Variants in BRD4 observed in about 807,000 individuals in gnomAD.
The protein encoded by BRD4 is bromodomain containing 4.
In BRD4, 16 loss-of-function variants were observed where a neutral mutation model predicts 142.1. The ratio of observed to expected loss-of-function variants is 0.11; its 90% CI spans 0.08 to 0.17. The LOEUF (loss-of-function observed/expected upper bound fraction) is 0.17, where lower values mean the gene tolerates loss of function less well. BRD4 is among the 10% of genes least tolerant of loss of function. BRD4 has a pLI of 1.00. For missense variants in BRD4, 1,424 were observed against 1,810.9 expected (o/e 0.79, Z 3.88); for synonymous variants, 833 against 707.5 (o/e 1.18, Z -2.82).
In BRD4 at chr19:15,245,690, C is replaced by G. The variant is rs780987020; in HGVS notation, c.2159-928G>C. Among the ~76,000 whole-genome samples, 48 of 152,314 alleles carry G rather than the reference C, an allele frequency of 3.2e-4. No individual in the cohort carries two copies. The highest frequency in any genetic ancestry group is 1.5e-3 in the South Asian group (7 of 4,826). On this transcript the variant is annotated intron_variant, in intron 11 of 19. Coordinates refer to ENST00000679869, the MANE Select transcript of BRD4 (RefSeq NM_001379291.1). ...AAACATGGATGGTGTACAAGCCCCACAGGGGGACATGAGCCCTGGCCAGTG... is the reference window on the plus strand; with the variant it reads ...AAACATGGATGGTGTACAAGCCCCAGAGGGGGACATGAGCCCTGGCCAGTG...
At chr19:15,330,143 T>C (rs1166610168) in intron 1 of BRD4, among the ~76,000 whole-genome samples, 1 of 152,228 alleles carries the variant, frequency 6.6e-6, no homozygotes, top group Non-Finnish European at 1.5e-5. Flanking sequence ...CTGGGCTGAC[T>C]GCTAGCAAGA....
chr19:15,264,312 G>A (rs1030210397), intron 6 of BRD4, 92 bp downstream of exon 6: 30 of 1,479,444 alleles, frequency 2.0e-5, no homozygotes, highest in Admixed American at 1.1e-4. Context: ...CCAGGGCCTG[G>A]GCTTCCTCTT....
intron 6 of BRD4, among the ~76,000 whole-genome samples, chr19:15,263,762 G>A (rs1166806196): frequency 1.3e-5 from 2 of 152,164 alleles, no homozygotes; most frequent in Non-Finnish European, 2.9e-5. Flanking sequence ...TGCCTGGCTC[G>A]CAGGCAGGTG....
At position 15,235,746 on chromosome 19, in the gene BRD4, C is replaced by G. The variant is rs983465973; in HGVS notation, c.*2631G>C. ...TTACTCTGGTATAGGACTAAGATTT[C>G]TAGTACTGTGGGAAGGGTTGGGAAA... is the stretch of plus-strand genomic sequence containing the variant. On this transcript the variant is annotated 3_prime_UTR_variant, in exon 20 of 20. Transcript: ENST00000679869. 1 of 152,090 alleles carries G rather than the reference C, an allele frequency of 6.6e-6. No individual in the cohort carries two copies. Among genetic ancestry groups the G allele is most frequent in the African/African-American group, 2.4e-5 (1 of 41,400 alleles). The allele number at this position is 152,090 out of a possible 1,614,324, so 9.4% of individuals were successfully genotyped here.
At chr19:15,320,306 C>T (rs1285418634) in intron 1 of BRD4, among the ~76,000 whole-genome samples, 4 of 152,044 alleles carry the variant, frequency 2.6e-5, no homozygotes, top group Non-Finnish European at 5.9e-5. Context: ...GGAGGCTTTT[C>T]GTAATGCTTG....
chr19:15,291,503 T>C (rs1184857122), intron 1 of BRD4, among the ~76,000 whole-genome samples: 2 of 152,206 alleles, frequency 1.3e-5, no homozygotes, highest in Non-Finnish European at 2.9e-5. Context: ...TTCCTACTCC[T>C]TATGACTTTC....
chr19:15,244,937 G>A (rs1182955015), intron 11 of BRD4, 175 bp from the exon 12 acceptor site: 7 of 1,177,892 alleles, frequency 5.9e-6, no homozygotes, highest in East Asian at 2.6e-5. Context: ...GGAGAGACAT[G>A]CGAGGCATCA....
chr19:15,297,728 C>G (rs899727732), intron 1 of BRD4, among the ~76,000 whole-genome samples: 1 of 152,210 alleles, frequency 6.6e-6, no homozygotes, highest in African/African-American at 2.4e-5. Flanking sequence ...GCTGTGGACT[C>G]TAACCAGGCG....
intron 1 of BRD4, among the ~76,000 whole-genome samples, chr19:15,288,071 A>C (rs2047753583): frequency 6.6e-6 from 1 of 152,026 alleles, no homozygotes; most frequent in South Asian, 2.1e-4. Flanking sequence ...CCTGGCCTGA[A>C]TTTCATTCCT....
chr19:15,267,479 T>G lies in BRD4; in HGVS notation c.496A>C (p.Thr166Pro). ...ACTATCATGATCTCGGTTTCTTCTGTGGGTAGCTCATTTATTTTTTGCAAG... is the reference window on the plus strand; with the variant it reads ...ACTATCATGATCTCGGTTTCTTCTGGGGGTAGCTCATTTATTTTTTGCAAG... ...LFLQKINELP[T>P]EETEIMIVQA... Residue 166 changes from threonine to proline, a missense_variant, in exon 4 of 20, where the codon ACA (threonine) becomes CCA (proline). Physicochemically the swap from Thr to Pro is conservative, Grantham distance 38 (BLOSUM62 -1). Around this residue, in one of 16 missense-constraint regions of BRD4, gnomAD observed 55 missense variants for 160.7 expected, o/e 0.34. Transcript: ENST00000679869. 6.2e-7 allele frequency: 1 copy of G among 1,614,218 alleles called. No homozygotes were observed. Among genetic ancestry groups the G allele is most frequent in the South Asian group, 1.1e-5 (1 of 91,084 alleles).
intron 1 of BRD4, among the ~76,000 whole-genome samples, chr19:15,320,898 A>G (rs2048055623): frequency 6.6e-6 from 1 of 152,238 alleles, no homozygotes. Context: ...TCAGCCATCC[A>G]TAATTTCTTG....
Position 15,240,017 on chromosome 19 carries a change from G to C in BRD4, c.3175C>G (p.Leu1059Val). 6.2e-7 allele frequency: 1 copy of C among 1,610,354 alleles called. No homozygotes were observed. The highest frequency in any genetic ancestry group is 8.5e-7 in the Non-Finnish European group (1 of 1,178,270). The change falls in exon 15 of 20, where the codon CTC becomes GTC. Residue 1059 changes from leucine to valine, a missense_variant. Physicochemically the swap from Leu to Val is conservative, Grantham distance 32. This residue lies in a region of BRD4 where 598 missense variants were observed against 647.8 expected (regional missense o/e 0.92). Coordinates refer to ENST00000679869, the MANE Select transcript of BRD4 (RefSeq NM_001379291.1). The part of the protein sequence containing the change: ...HKSDPYSTGH[L>V]REAPSPLMIH... ...ATAAGCGGGGAGGGGGCTTCGCGGA[G>C]GTGACCTAGGAGAAGGGACAAGGAA...
chr19:15,259,607 T>C (rs1489261771), intron 7 of BRD4, among the ~76,000 whole-genome samples: 1 of 152,238 alleles, frequency 6.6e-6, no homozygotes, highest in Non-Finnish European at 1.5e-5. Flanking sequence ...CATCCTTCCC[T>C]GTCTCTTGGA....
At chr19:15,293,575 GAT>G (rs1164386963) in intron 1 of BRD4, among the ~76,000 whole-genome samples, 2 of 152,192 alleles carry the variant, frequency 1.3e-5, no homozygotes, top group East Asian at 3.8e-4. Context: ...GTCTCTAGTG[GAT>G]ATGACTGATA....
intron 1 of BRD4, among the ~76,000 whole-genome samples, chr19:15,279,462 A>G (rs1410888727): frequency 6.6e-6 from 1 of 152,212 alleles, no homozygotes; most frequent in Non-Finnish European, 1.5e-5. Context: ...CCATCAAGTC[A>G]TAGTTCTCTC....
chr19:15,301,304 T>C (rs2047865461), intron 1 of BRD4, among the ~76,000 whole-genome samples: 1 of 152,222 alleles, frequency 6.6e-6, no homozygotes, highest in Non-Finnish European at 1.5e-5. Context: ...GGCTCACGCC[T>C]GTAATCCCAG....
intron 11 of BRD4, among the ~76,000 whole-genome samples, chr19:15,252,207 G>C (rs148006293): frequency 6.6e-6 from 1 of 152,186 alleles, no homozygotes; most frequent in Non-Finnish European, 1.5e-5. Flanking sequence ...AAGGGCAAAG[G>C]CCATGATCAC....
chr19:15,253,609 G>T (rs2047372180), intron 11 of BRD4: 1 of 1,594,110 alleles, frequency 6.3e-7, no homozygotes, highest in African/African-American at 1.3e-5. Context: ...GTAGGCAATG[G>T]CTGGGGCCCA....
chr19:15,288,014 C>T (rs1334649845), intron 1 of BRD4, among the ~76,000 whole-genome samples: 1 of 151,896 alleles, frequency 6.6e-6, no homozygotes, highest in Admixed American at 6.6e-5. Context: ...ATGATCTGCC[C>T]ACCTCGGCCT....
Sources: gnomAD v4.1 joint callset for allele counts (sites outside exome capture counted in the v4.1 genomes callset) on GRCh38, gnomAD v4.1.1 for gene constraint, gnomAD v4.1.1 regional missense constraint, MANE v1.5 for transcripts, NCBI Gene and HGNC (gene_info 2026-07-23, HGNC 2026-07-21) for gene names.